Variants in MECR observed in about 807,000 individuals in gnomAD.
MECR encodes mitochondrial trans-2-enoyl-CoA reductase.
Under a neutral mutation model 49.1 loss-of-function variants are expected in MECR, and 37 were observed. That is an observed-to-expected ratio of 0.75 (90% CI 0.58 to 0.99). The LOEUF (loss-of-function observed/expected upper bound fraction) is 0.99. Among genes scored for constraint, MECR ranks in the 50% least tolerant of loss-of-function variants. MECR has a pLI of 0.00. For synonymous variants in MECR, 198 were observed against 191.1 expected, an observed-to-expected ratio of 1.04 and a Z score of -0.30; for missense variants, 470 against 479.6, an observed-to-expected ratio of 0.98 and a Z score of 0.19.
At position 29,193,412 on chromosome 1, in the gene MECR, T is replaced by C. The variant is rs75032821; in HGVS notation, c.*610A>G. On this transcript the variant is annotated 3_prime_UTR_variant, in exon 10 of 10. Transcript: ENST00000263702. Reference sequence around the variant, plus strand: ...CTCCTGGGGGTAAAATTGCCTCTGGTTGAGAACCACTGGTATATTGTCTAT... The same window carrying C: ...CTCCTGGGGGTAAAATTGCCTCTGGCTGAGAACCACTGGTATATTGTCTAT... 109 of 185,336 alleles carry C rather than the reference T, an allele frequency of 5.9e-4. 2 individuals carry two copies. The East Asian group carries it at 0.02, about 34-fold the overall frequency. The allele number at this position is 185,336 out of a possible 1,614,324, so 11.5% of individuals were successfully genotyped here.
intron 1 of MECR, among the ~76,000 whole-genome samples, chr1:29,226,255 G>T (rs530916506): frequency 1.6e-3 from 247 of 149,744 alleles, no homozygotes; most frequent in Non-Finnish European, 2.9e-3. Flanking sequence ...TGTTGTACTA[G>T]CAGCAGGCAG....
Position 29,196,258 on chromosome 1 carries a change from C to T in MECR, c.831G>A (p.Ala277=), listed in dbSNP as rs2151844727. 6.2e-7 allele frequency: 1 copy of T among 1,610,950 alleles called. No individual in the cohort carries two copies. The highest frequency in any genetic ancestry group is 8.5e-7 in the Non-Finnish European group (1 of 1,177,824). Residue 277 remains alanine, a splice_region_variant and synonymous_variant, in exon 8 of 10, where the codon GCG becomes GCA. Transcript: ENST00000263702. ...KSSTELLRQL[A]RGGTMVTYGG... ...CATAGGTTACCATGGTTCCTCCACG[C>T]CTGAAAAGTCCAAAGAGAACAAAGA...
At position 29,230,914 on chromosome 1, in the gene MECR, C is replaced by T. The variant is rs370070972; in HGVS notation, c.-8G>A. The T allele has an allele frequency of 6.3e-7, 1 of 1,588,794 alleles. No homozygotes were observed. Among genetic ancestry groups the T allele is most frequent in the Non-Finnish European group, 8.5e-7 (1 of 1,172,348 alleles). ...GGTACTGCAGACCCACATGCTCGCT[C>T]CAACCAACACAGAGCCTGACGCCCC... On this transcript the variant is annotated 5_prime_UTR_variant, in exon 1 of 10. Transcript: ENST00000263702.
intron 1 of MECR, among the ~76,000 whole-genome samples, chr1:29,228,461 C>G (rs1682652832): frequency 6.6e-6 from 1 of 151,660 alleles, no homozygotes; most frequent in South Asian, 2.1e-4. Context: ...AGGCAATTCT[C>G]CTGCCTCAGC....
intron 4 of MECR, 62 bp from the exon 5 acceptor site, chr1:29,203,295 C>T (rs1675787275): frequency 7.5e-7 from 1 of 1,327,058 alleles, no homozygotes; most frequent in East Asian, 2.6e-5. Flanking sequence ...GTCAAAGGCT[C>T]CCAGCCGGGG....
chr1:29,168,038 CAT>C, the MECR span, among the ~76,000 whole-genome samples: 1 of 115,460 alleles, frequency 8.7e-6, no homozygotes. Flanking sequence ...TTAAAAAAAA[CAT>C]AGTCTCGCTC....
downstream of MECR, among the ~76,000 whole-genome samples, chr1:29,189,288 T>G (rs1325210441): frequency 2.1e-5 from 3 of 144,556 alleles, no homozygotes; most frequent in Non-Finnish European, 4.4e-5. Context: ...GCCAGGGTGG[T>G]CTGGAACTGA....
At chr1:29,211,324 C>T (rs114545853) in intron 3 of MECR, among the ~76,000 whole-genome samples, 1,799 of 152,330 alleles carry the variant, frequency 0.012, 40 homozygotes, top group African/African-American at 0.041. Context: ...CCGCCTTGGC[C>T]TCCCATGCTG....
At position 29,201,662 on chromosome 1, in the gene MECR, A is replaced by C; in HGVS notation, c.756+281T>G. On this transcript the variant is annotated intron_variant, in intron 6 of 9. Transcript: ENST00000263702. The surrounding 1 kb of genome is among the most constrained non-coding windows in gnomAD (Gnocchi z 4.3). ...CAGGTCCTCTCCTGCCAGTTCTAAG[A>C]GTCACACATGTGGGCTGATGCGGCC... 1 of 535,086 alleles carries C rather than the reference A, an allele frequency of 1.9e-6. No individual in the cohort carries two copies. Among genetic ancestry groups the C allele is most frequent in the Non-Finnish European group, 3.4e-6 (1 of 294,578 alleles). 33.1% of individuals were successfully genotyped at this position (535,086 alleles called of 1,614,324 possible).
chr1:29,191,047 T>C (rs1435829910), downstream of MECR, among the ~76,000 whole-genome samples: 1 of 152,160 alleles, frequency 6.6e-6, no homozygotes, highest in African/African-American at 2.4e-5. Flanking sequence ...TCTGTAATGC[T>C]TGTCACCCTT....
the MECR span, chr1:29,171,065 T>G: frequency 2.0e-5 from 3 of 152,266 alleles, no homozygotes; most frequent in East Asian, 5.8e-4. Context: ...CAGGGTACTA[T>G]AAGACCAGAC....
intron 3 of MECR, among the ~76,000 whole-genome samples, chr1:29,214,418 G>C (rs1435240195): frequency 6.7e-6 from 1 of 150,280 alleles, no homozygotes; most frequent in African/African-American, 2.5e-5. Flanking sequence ...CTGGAGTGCA[G>C]TGGCATGATC....
At chr1:29,175,692 C>G in the MECR span, among the ~76,000 whole-genome samples, 1 of 8,076 alleles carries the variant, frequency 1.2e-4, no homozygotes, top group Admixed American at 1.5e-3. Context: ...CAGACGCTGT[C>G]TCAAAAAAAA....
In MECR at chr1:29,215,329, C is replaced by T. The variant is rs184670233; in HGVS notation, c.406+676G>A. On this transcript the variant is annotated intron_variant, in intron 3 of 9. Transcript: ENST00000263702. ...GCACAGTGGCTCATGCCTGTAATCC[C>T]AGCACTTTGGGAGGCTGAGTGGTGG... Among the ~76,000 whole-genome samples, 24 of 152,310 alleles carry T rather than the reference C, an allele frequency of 1.6e-4. 1 individual carries two copies. In the Middle Eastern group the frequency reaches 0.017, roughly 108 times the overall value.
At chr1:29,223,207 A>G in intron 1 of MECR, 1 of 985,410 alleles carries the variant, frequency 1.0e-6, no homozygotes, top group South Asian at 4.7e-5. Context: ...CTCAATCAAC[A>G]GATCCCAGCC....
At chr1:29,200,875 CCCT>C (rs1184127190) in intron 6 of MECR, among the ~76,000 whole-genome samples, 2 of 152,090 alleles carry the variant, frequency 1.3e-5, no homozygotes, top group Non-Finnish European at 2.9e-5. Flanking sequence ...TGCTACCTTA[CCCT>C]CCTGGGCTCA....
chr1:29,172,458 A>G, the MECR span: 1 of 151,998 alleles, frequency 6.6e-6, no homozygotes, highest in Admixed American at 6.6e-5. Context: ...TGCCCAGCTA[A>G]TTTTTGTAAT....
At chr1:29,191,178 T>C (rs769193044), downstream of MECR, among the ~76,000 whole-genome samples, 1 of 152,188 alleles carries the variant, frequency 6.6e-6, no homozygotes, top group South Asian at 2.1e-4. Flanking sequence ...CTCCAGATCT[T>C]GAAGCGTGGT....
chr1:29,170,956 G>C, the MECR span: 1 of 152,130 alleles, frequency 6.6e-6, no homozygotes, highest in Non-Finnish European at 1.5e-5. Context: ...GAAATCTTTA[G>C]CCTGGGAGAC....
Sources: allele counts gnomAD v4.1 joint callset (sites outside exome capture counted in the v4.1 genomes callset), GRCh38; gene constraint gnomAD v4.1.1; non-coding constraint Gnocchi (gnomAD v3.1); transcripts MANE v1.5; gene names NCBI Gene and HGNC (gene_info 2026-07-23, HGNC 2026-07-21).